Variants in ARHGAP6 observed in about 807,000 individuals in gnomAD.
ARHGAP6 encodes the protein rho GTPase-activating protein 6.
ARHGAP6 carries 16 observed loss-of-function variants against 55.7 expected under a neutral mutation model. The ratio of observed to expected loss-of-function variants is 0.29; its 90% CI spans 0.19 to 0.44. The LOEUF is 0.44. Ranked by LOEUF, ARHGAP6 falls within the 20% of genes least tolerant of loss-of-function variation. The pLI is 1.00. For synonymous variants in ARHGAP6, 382 were observed against 360.9 expected (o/e 1.06, Z -0.66); for missense variants, 698 against 808.9 (o/e 0.86, Z 1.66).
At chrX:11,337,817 A>C (rs945833299) in intron 1 of ARHGAP6, among the ~76,000 whole-genome samples, 1 of 112,581 alleles carries the variant, frequency 8.9e-6, no homozygotes, top group African/African-American at 3.2e-5. Context: ...GTTAATAAAC[A>C]ACAGAGGTTT....
chrX:11,386,681 A>G (rs1315134688), intron 1 of ARHGAP6, among the ~76,000 whole-genome samples: 1 of 112,037 alleles, frequency 8.9e-6, no homozygotes, highest in East Asian at 2.8e-4. Context: ...AGCACAGAAA[A>G]CTTACTTTCC....
At chrX:11,479,412 C>T (rs1251235517) in intron 1 of ARHGAP6, among the ~76,000 whole-genome samples, 1 of 111,922 alleles carries the variant, frequency 8.9e-6, no homozygotes, top group Non-Finnish European at 1.9e-5. Context: ...GGGTAGCATC[C>T]CTCTGATCAA....
intron 2 of ARHGAP6, among the ~76,000 whole-genome samples, chrX:11,235,710 G>T (rs778293532): frequency 9.0e-6 from 1 of 111,008 alleles, no homozygotes; most frequent in Non-Finnish European, 1.9e-5. Context: ...TCTAGGGCAG[G>T]GGCAAAATGC....
At chrX:11,519,679 A>G (rs141163041) in intron 1 of ARHGAP6, among the ~76,000 whole-genome samples, 10,052 of 107,729 alleles carry the variant, frequency 0.093, 799 homozygotes, top group African/African-American at 0.22. Context: ...CAGAAATAAC[A>G]CTGCTTACCT....
At chrX:11,175,228 C>T (rs1033056843) in intron 8 of ARHGAP6, among the ~76,000 whole-genome samples, 1 of 111,849 alleles carries the variant, frequency 8.9e-6, no homozygotes, top group Non-Finnish European at 1.9e-5. Context: ...CATTGTCTCC[C>T]TCAGTACTTC....
chrX:11,414,463 G>A (rs1177162110), intron 1 of ARHGAP6, among the ~76,000 whole-genome samples: 2 of 109,655 alleles, frequency 1.8e-5, no homozygotes, highest in African/African-American at 3.3e-5. Flanking sequence ...TGGCCTGTGG[G>A]TCATAGTTTG....
chrX:11,517,197 A>G (rs1404842266), intron 1 of ARHGAP6, among the ~76,000 whole-genome samples: 2 of 111,982 alleles, frequency 1.8e-5, no homozygotes, highest in Non-Finnish European at 3.8e-5. Context: ...TAGCCCAGGC[A>G]TGACCTTCTT....
At chrX:11,352,827 A>G (rs553983477) in intron 1 of ARHGAP6, among the ~76,000 whole-genome samples, 21 of 112,005 alleles carry the variant, frequency 1.9e-4, no homozygotes, top group African/African-American at 6.5e-4. Flanking sequence ...ATATATGGAT[A>G]CACACATATG....
chrX:11,303,807 A>G (rs955477945), intron 1 of ARHGAP6, among the ~76,000 whole-genome samples: 7 of 111,463 alleles, frequency 6.3e-5, no homozygotes, highest in Non-Finnish European at 1.1e-4. Context: ...AATCATGACC[A>G]TTGCCTATCT....
intron 1 of ARHGAP6, among the ~76,000 whole-genome samples, chrX:11,312,865 C>T (rs2048316618): frequency 9.0e-6 from 1 of 111,384 alleles, no homozygotes. Context: ...CCCTCCTCTC[C>T]ATCTTTACTT....
intron 1 of ARHGAP6, among the ~76,000 whole-genome samples, chrX:11,650,666 T>C (rs1487678148): frequency 8.9e-6 from 1 of 112,736 alleles, no homozygotes; most frequent in Non-Finnish European, 1.9e-5. Context: ...CCTAAATATT[T>C]GATTACTTCC....
chrX:11,369,650 A>G (rs1184980442), intron 1 of ARHGAP6, among the ~76,000 whole-genome samples: 1 of 111,903 alleles, frequency 8.9e-6, no homozygotes, highest in Non-Finnish European at 1.9e-5. Flanking sequence ...TAAATGAAAT[A>G]ATAAATATAA....
chrX:11,481,580 G>A, intron 1 of ARHGAP6, among the ~76,000 whole-genome samples: 1 of 112,722 alleles, frequency 8.9e-6, no homozygotes, highest in Middle Eastern at 4.7e-3. Context: ...GGAGTCCTTA[G>A]AGAAAGAATG....
At chrX:11,268,244 C>T (rs764147344) in intron 1 of ARHGAP6, among the ~76,000 whole-genome samples, 39 of 111,993 alleles carry the variant, frequency 3.5e-4, no homozygotes, top group African/African-American at 1.2e-3. Flanking sequence ...ACTCTTTTGC[C>T]TAAAACCCTT....
At chrX:11,210,185 C>T (rs764067659) in intron 2 of ARHGAP6, among the ~76,000 whole-genome samples, 1 of 112,554 alleles carries the variant, frequency 8.9e-6, no homozygotes, top group East Asian at 2.8e-4. Context: ...AAACGGGTGG[C>T]TCTGTTCTCT....
chrX:11,550,378 AC>A (rs914603948), intron 1 of ARHGAP6, among the ~76,000 whole-genome samples: 4 of 112,369 alleles, frequency 3.6e-5, no homozygotes, highest in African/African-American at 1.3e-4. Flanking sequence ...TAAGACAATT[AC>A]TGCACACATT....
At chrX:11,206,482 T>A (rs2046706358) in intron 2 of ARHGAP6, among the ~76,000 whole-genome samples, 1 of 112,037 alleles carries the variant, frequency 8.9e-6, no homozygotes, top group Non-Finnish European at 1.9e-5. Flanking sequence ...GGCACGAGGC[T>A]GTAATCAAAG....
chrX:11,281,160 G>A (rs974747760), intron 1 of ARHGAP6, among the ~76,000 whole-genome samples: 3 of 111,551 alleles, frequency 2.7e-5, no homozygotes, highest in Non-Finnish European at 5.7e-5. Context: ...AAAGAAGTCT[G>A]ACATAAAAAA....
intron 1 of ARHGAP6, among the ~76,000 whole-genome samples, chrX:11,472,582 C>T (rs2050358679): frequency 9.0e-6 from 1 of 111,672 alleles, no homozygotes; most frequent in African/African-American, 3.3e-5. Flanking sequence ...TGTGATGACA[C>T]AGAATGCGTG....
Sources: gnomAD v4.1 joint callset for allele counts (sites outside exome capture counted in the v4.1 genomes callset) on GRCh38, gnomAD v4.1.1 for gene constraint, MANE v1.5 for transcripts, NCBI Gene and HGNC (gene_info 2026-07-23, HGNC 2026-07-21) for gene names.